The following PDGFD variants were observed in gnomAD, a reference collection of about 807,000 sequenced individuals.
PDGFD encodes the protein platelet-derived growth factor D.
A neutral mutation model predicts 44.7 loss-of-function variants in PDGFD; 30 were observed. That is an observed-to-expected ratio of 0.67 (90% confidence interval 0.50 to 0.91). The LOEUF (loss-of-function observed/expected upper bound fraction) is 0.91, where lower values mean the gene tolerates loss of function less well. Among genes scored for constraint, PDGFD ranks in the 40% least tolerant of loss-of-function variants. The pLI is 0.00. For synonymous variants in PDGFD, 173 were observed against 168.4 expected (o/e 1.03, Z -0.21); for missense variants, 445 against 457.8 (o/e 0.97, Z 0.25).
chr11:104,038,194 C>T (rs1860286270), intron 1 of PDGFD: 1 of 654,516 alleles, frequency 1.5e-6, no homozygotes, highest in Admixed American at 3.0e-5. Flanking sequence ...GGTCCCTCTT[C>T]CATTTCCCTT....
At chr11:104,087,453 C>T (rs147187384) in intron 1 of PDGFD, among the ~76,000 whole-genome samples, 7 of 152,138 alleles carry the variant, frequency 4.6e-5, no homozygotes, top group East Asian at 3.9e-4. Context: ...ATGATCCACC[C>T]GCCTCAGTCT....
intron 1 of PDGFD, among the ~76,000 whole-genome samples, chr11:104,102,026 T>G (rs927403146): frequency 6.6e-5 from 10 of 152,086 alleles, no homozygotes; most frequent in African/African-American, 1.9e-4. Context: ...GGCAAGGACT[T>G]CATGTCTAAA....
At chr11:104,115,191 C>T (rs1231227085) in intron 1 of PDGFD, among the ~76,000 whole-genome samples, 1 of 151,164 alleles carries the variant, frequency 6.6e-6, no homozygotes, top group Non-Finnish European at 1.5e-5. Context: ...GTAATAGTCT[C>T]CAATCTCATC....
chr11:103,997,490 T>C (rs887681430), intron 2 of PDGFD, among the ~76,000 whole-genome samples: 2 of 152,212 alleles, frequency 1.3e-5, no homozygotes, highest in Non-Finnish European at 2.9e-5. Context: ...GTCCGTTGCC[T>C]CAGTTTCCTT....
intron 1 of PDGFD, among the ~76,000 whole-genome samples, chr11:104,152,132 G>GT (rs1161750683): frequency 6.6e-6 from 1 of 152,254 alleles, no homozygotes; most frequent in East Asian, 1.9e-4. Context: ...AAGTGGTTAT[G>GT]TTTTTTGTAG....
chr11:103,922,137 C>T, intron 6 of PDGFD, among the ~76,000 whole-genome samples: 1 of 152,076 alleles, frequency 6.6e-6, no homozygotes, highest in Non-Finnish European at 1.5e-5. Context: ...TAAATGGATA[C>T]AGCCAGGGCA....
intron 6 of PDGFD, among the ~76,000 whole-genome samples, chr11:103,914,239 C>T (rs1431142001): frequency 6.6e-6 from 1 of 152,164 alleles, no homozygotes; most frequent in Non-Finnish European, 1.5e-5. Flanking sequence ...CTCAGCAAAC[C>T]TTCTAGGGCA....
At chr11:104,120,118 C>A (rs1344276356) in intron 1 of PDGFD, among the ~76,000 whole-genome samples, 1 of 150,472 alleles carries the variant, frequency 6.6e-6, no homozygotes, top group Admixed American at 6.7e-5. Context: ...TGACTTATAG[C>A]ACTTTCTTTC....
At chr11:104,114,960 T>C (rs1431784342) in intron 1 of PDGFD, among the ~76,000 whole-genome samples, 1 of 151,732 alleles carries the variant, frequency 6.6e-6, no homozygotes, top group Non-Finnish European at 1.5e-5. Context: ...GAGTAAGTTC[T>C]TTAGTGGTGA....
intron 1 of PDGFD, chr11:104,037,864 G>A: frequency 1.9e-6 from 3 of 1,614,196 alleles, no homozygotes; most frequent in Non-Finnish European, 2.5e-6. Flanking sequence ...GAAGAAAAAT[G>A]TGCTGGTCAT....
intron 1 of PDGFD, among the ~76,000 whole-genome samples, chr11:104,003,350 G>C (rs1859648277): frequency 6.6e-6 from 1 of 152,212 alleles, no homozygotes; most frequent in Non-Finnish European, 1.5e-5. Flanking sequence ...CTTGATATGG[G>C]TACAAACAGA....
intron 1 of PDGFD, among the ~76,000 whole-genome samples, chr11:104,122,736 C>A (rs533515355): frequency 1.3e-5 from 2 of 151,622 alleles, no homozygotes; most frequent in Non-Finnish European, 2.9e-5. Context: ...TTTAAATTTT[C>A]TTCAGGTAAT....
At chr11:104,005,973 T>A (rs1047988979) in intron 1 of PDGFD, among the ~76,000 whole-genome samples, 1 of 152,236 alleles carries the variant, frequency 6.6e-6, no homozygotes, top group African/African-American at 2.4e-5. Flanking sequence ...AGGTACGCAT[T>A]TGACTTAAAA....
At chr11:103,950,695 T>G (rs1335688552) in intron 3 of PDGFD, among the ~76,000 whole-genome samples, 1 of 152,174 alleles carries the variant, frequency 6.6e-6, no homozygotes, top group Non-Finnish European at 1.5e-5. Context: ...AAGTAGAAAC[T>G]GTGTGGTTGG....
Position 103,996,701 on chromosome 11 carries a change from T to C in PDGFD, c.330-456A>G, listed in dbSNP as rs548844131. On this transcript the variant is annotated intron_variant, in intron 2 of 6. Transcript: ENST00000393158. ...AGAAAGTAAATGACCTATATCTATA[T>C]AGCTTACAAAATCAGTAATGCCATT... is the stretch of plus-strand genomic sequence containing the variant. 7.9e-5 allele frequency among the ~76,000 whole-genome samples: 12 copies of C among 152,344 alleles called. No individual in the cohort carries two copies. The East Asian group carries it at 9.6e-4, about 12-fold the overall frequency.
Position 103,926,917 on chromosome 11 carries a change from G to A in PDGFD, c.982C>T (p.His328Tyr). The A allele has an allele frequency of 2.0e-5, 32 of 1,613,266 alleles. No individual in the cohort carries two copies. Among genetic ancestry groups the A allele is most frequent in the Non-Finnish European group, 2.7e-5 (32 of 1,179,514 alleles). Residue 328 changes from histidine (H) to tyrosine (Y), a missense_variant, in exon 6 of 7, where the codon CAT becomes TAT. By Grantham distance (83) the His-to-Tyr change is moderately conservative. Transcript: ENST00000393158. The stretch of plus-strand genomic sequence containing the variant: ...GAAATCTAAGAATGACATACCTCAT[G>A]ATACTTTTTCACGGTTTTCCCTGAA... ...CNSGKTVKKY[H>Y]EVLQFEPGHI... is the part of the protein sequence containing the mutation.
At position 104,164,040 on chromosome 11, in the gene PDGFD, C is replaced by T; in HGVS notation, c.-113G>A. On this transcript the variant is annotated 5_prime_UTR_variant, in exon 1 of 7. Transcript: ENST00000393158. ...CCGCCTGCGCTCGCCCTGCGCTGGCCCGGGTCGCTGTGCTAATCGCCGAGC... is the reference window on the plus strand; with the variant it reads ...CCGCCTGCGCTCGCCCTGCGCTGGCTCGGGTCGCTGTGCTAATCGCCGAGC... 3 of 1,241,316 alleles carry T rather than the reference C, an allele frequency of 2.4e-6. No homozygotes were observed. Among genetic ancestry groups the T allele is most frequent in the Non-Finnish European group, 3.2e-6 (3 of 932,030 alleles). The allele number at this position is 1,241,316 out of a possible 1,614,324, so 76.9% of individuals were successfully genotyped here. A position where few individuals can be genotyped will look rare whatever the true frequency, so the allele number is the denominator to read the frequency against.
chr11:104,050,033 G>A (rs1006149568), intron 1 of PDGFD, among the ~76,000 whole-genome samples: 12 of 152,080 alleles, frequency 7.9e-5, no homozygotes, highest in African/African-American at 1.4e-4. Flanking sequence ...AAGGTAGTTC[G>A]GTATGGTTAT....
Position 104,000,240 on chromosome 11 carries a change from G to A in PDGFD, c.140C>T (p.Thr47Ile), listed in dbSNP as rs1393096779. 6.2e-7 allele frequency: 1 copy of A among 1,613,924 alleles called. No individual in the cohort carries two copies. Among genetic ancestry groups the A allele is most frequent in the Non-Finnish European group, 8.5e-7 (1 of 1,179,888 alleles). ...NLRRDESNHL[T>I]DLYRRDETIQ... ...GGTCTCATCTCTTCGGTACAAGTCTGTGAGGTGATTGCTCTCTGTTAGTAG... is the reference window on the plus strand; with the variant it reads ...GGTCTCATCTCTTCGGTACAAGTCTATGAGGTGATTGCTCTCTGTTAGTAG... The change falls in exon 2 of 7, where the codon ACA (threonine) becomes ATA (isoleucine). Residue 47 changes from threonine (T) to isoleucine (I), a missense_variant. Physicochemically the swap from Thr to Ile is moderately conservative, Grantham distance 89. Coordinates refer to ENST00000393158, the MANE Select transcript of PDGFD (RefSeq NM_025208.5).
Sources: gnomAD v4.1 joint callset for allele counts (sites outside exome capture counted in the v4.1 genomes callset) on GRCh38, gnomAD v4.1.1 for gene constraint, MANE v1.5 for transcripts, NCBI Gene and HGNC (gene_info 2026-07-23, HGNC 2026-07-21) for gene names.